The following SCN3A variants were observed in gnomAD, a reference collection of about 807,000 sequenced individuals.
SCN3A encodes sodium channel protein type 3 subunit alpha.
A neutral mutation model predicts 187.6 loss-of-function variants in SCN3A; 60 were observed. That is an observed-to-expected ratio of 0.32 (90% CI 0.26 to 0.40). The LOEUF is 0.40. Among genes scored for constraint, SCN3A ranks in the 10% least tolerant of loss-of-function variants. The probability of loss-of-function intolerance (pLI) is 1.00; values close to 1 mark genes in which losing one functional copy is unlikely to be tolerated. For synonymous variants in SCN3A, 788 were observed against 829.2 expected, an observed-to-expected ratio of 0.95 and a Z score of 0.85; for missense variants, 1,601 against 2,428.2, an observed-to-expected ratio of 0.66 and a Z score of 7.16.
intron 12 of SCN3A, among the ~76,000 whole-genome samples, chr2:165,145,330 T>C (rs1322840168): frequency 6.6e-6 from 1 of 152,028 alleles, no homozygotes; most frequent in Non-Finnish European, 1.5e-5. Context: ...AAAAATCTGA[T>C]CTGAGGAACC....
At chr2:165,161,096 CT>C (rs1689341195) in intron 9 of SCN3A, among the ~76,000 whole-genome samples, 1 of 118,776 alleles carries the variant, frequency 8.4e-6, no homozygotes, top group South Asian at 2.9e-4. Context: ...CTAAGTTTTT[CT>C]TTTTTTCTTC....
chr2:165,109,075 T>C (rs1203995646), intron 21 of SCN3A, among the ~76,000 whole-genome samples: 1 of 152,208 alleles, frequency 6.6e-6, no homozygotes, highest in Non-Finnish European at 1.5e-5. Context: ...TTGATAAAAT[T>C]GATCACCTCT....
chr2:165,191,006 C>T (rs1691569945), intron 1 of SCN3A, among the ~76,000 whole-genome samples: 1 of 151,604 alleles, frequency 6.6e-6, no homozygotes, highest in Non-Finnish European at 1.5e-5. Flanking sequence ...ATGTTGCCAG[C>T]CCAGGAACCA....
chr2:165,170,417 A>G lies in SCN3A; in HGVS notation c.383+13T>C, dbSNP rs756678543. ...TAGAAATAGCATTTAGGCAATTCACATTAAAAGGATATGAATGTACCAAAA... is the reference window on the plus strand; with the variant it reads ...TAGAAATAGCATTTAGGCAATTCACGTTAAAAGGATATGAATGTACCAAAA... On this transcript the variant is annotated intron_variant, in intron 4 of 27. Coordinates refer to ENST00000283254, the MANE Select transcript of SCN3A (RefSeq NM_006922.4). 5 of 1,397,150 alleles carry G rather than the reference A, an allele frequency of 3.6e-6. No homozygotes were observed. Among genetic ancestry groups the G allele is most frequent in the South Asian group, 1.2e-5 (1 of 86,494 alleles). The allele number at this position is 1,397,150 out of a possible 1,614,324, so 86.5% of individuals were successfully genotyped here.
chr2:165,171,951 G>GAC (rs150528962), intron 3 of SCN3A, among the ~76,000 whole-genome samples: 157 of 152,092 alleles, frequency 1.0e-3, no homozygotes, highest in African/African-American at 3.6e-3. Flanking sequence ...TTACCTTTAA[G>GAC]ACATCTATTC....
At chr2:165,137,094 A>G (rs1687711721) in intron 15 of SCN3A, among the ~76,000 whole-genome samples, 1 of 152,130 alleles carries the variant, frequency 6.6e-6, no homozygotes, top group South Asian at 2.1e-4. Flanking sequence ...CTCTTGCTGA[A>G]CATTTGCTGA....
chr2:165,092,699 T>A lies in SCN3A; in HGVS notation c.4537-175A>T, dbSNP rs1372041273. 6.4e-6 allele frequency: 4 copies of A among 628,792 alleles called. No individual in the cohort carries two copies. The highest frequency in any genetic ancestry group is 2.0e-5 in the South Asian group (1 of 48,966). The allele number at this position is 628,792 out of a possible 1,614,324, so 39.0% of individuals were successfully genotyped here. On this transcript the variant is annotated intron_variant, in intron 26 of 27. Coordinates refer to ENST00000283254, the MANE Select transcript of SCN3A (RefSeq NM_006922.4). This position sits in a 1 kb window ranked among gnomAD's most constrained non-coding sequence, Gnocchi z 4.2. The stretch of plus-strand genomic sequence containing the variant: ...CATGTTAAAAAAAATGGAAAAAAAA[T>A]TTATATAGCTAAACAAAGCATATTT...
intron 1 of SCN3A, among the ~76,000 whole-genome samples, chr2:165,188,856 C>G (rs1691414686): frequency 2.0e-5 from 3 of 148,454 alleles, no homozygotes; most frequent in Middle Eastern, 3.6e-3. Flanking sequence ...GTAAAAGATG[C>G]AGATTTCTGG....
chr2:165,181,663 A>G (rs763075078), intron 2 of SCN3A, among the ~76,000 whole-genome samples: 1 of 152,234 alleles, frequency 6.6e-6, no homozygotes, highest in South Asian at 2.1e-4. Flanking sequence ...CCCTTTGTTC[A>G]TTTTTGAGAA....
intron 1 of SCN3A, among the ~76,000 whole-genome samples, chr2:165,187,179 T>G (rs963095902): frequency 6.6e-6 from 1 of 152,190 alleles, no homozygotes; most frequent in Non-Finnish European, 1.5e-5. Flanking sequence ...GTGTTGTAGG[T>G]CATTTTCTAG....
rs774743965 is a variant in SCN3A, at chr2:165,163,844, A to G, written c.603-135T>C. The G allele has an allele frequency of 1.9e-6, 3 of 1,613,818 alleles. No homozygotes were observed. The African/African-American group carries it at 4.0e-5, about 22-fold the overall frequency. Reference sequence around the variant, plus strand: ...GTTTTCAGAGCTCTCAAGACTCTGAAAGTTCGAAGGGCTGAAACATTGCCT... The same window carrying G: ...GTTTTCAGAGCTCTCAAGACTCTGAGAGTTCGAAGGGCTGAAACATTGCCT... On this transcript the variant is annotated intron_variant, in intron 6 of 27. Transcript: ENST00000283254.
chr2:165,112,735 A>T, intron 21 of SCN3A, 150 bp downstream of exon 21: 1 of 693,476 alleles, frequency 1.4e-6, no homozygotes, highest in Non-Finnish European at 2.4e-6. Flanking sequence ...TTCCCATGAG[A>T]TATTCCTCAT....
At position 165,094,505 on chromosome 2, in the gene SCN3A, C is replaced by T. The variant is rs773874886; in HGVS notation, c.4432-27G>A. 40 of 1,465,606 alleles carry T rather than the reference C, an allele frequency of 2.7e-5. No individual in the cohort carries two copies. The South Asian group carries it at 4.1e-4, about 15-fold the overall frequency. The allele number at this position is 1,465,606 out of a possible 1,614,324, so 90.8% of individuals were successfully genotyped here. On this transcript the variant is annotated intron_variant, in intron 25 of 27. Transcript: ENST00000283254. ...TAAAGACATAGTATAAAACTGGTTA[C>T]AATTCTGTGTTCCAATAGTACTTTC... is the stretch of plus-strand genomic sequence containing the variant.
chr2:165,159,217 C>T (rs1689222003), intron 9 of SCN3A, among the ~76,000 whole-genome samples: 1 of 138,128 alleles, frequency 7.2e-6, no homozygotes, highest in Non-Finnish European at 1.5e-5. Flanking sequence ...CTTTTTACCT[C>T]CTTAATAACC....
chr2:165,099,874 T>G (rs1396252097), intron 22 of SCN3A, among the ~76,000 whole-genome samples: 1 of 152,188 alleles, frequency 6.6e-6, no homozygotes, highest in Non-Finnish European at 1.5e-5. Context: ...TGATATTAAT[T>G]CAAGAAGCAA....
At chr2:165,136,059 T>C (rs1274898661) in intron 15 of SCN3A, among the ~76,000 whole-genome samples, 2 of 152,176 alleles carry the variant, frequency 1.3e-5, no homozygotes, top group South Asian at 4.1e-4. Context: ...TCATTGTTTA[T>C]ATGTGTGTTG....
Position 165,092,510 on chromosome 2 carries a change from T to G in SCN3A, c.4551A>C (p.Gly1517=). ...GTCTGGTTACAAAATCAAAGACCAT[T>G]CCTTGGAATTTGTTCTAGAAAGTGA... ...PIPRPANKFQ[G]MVFDFVTRQV... The change falls in exon 27 of 28, where the codon GGA becomes GGC. Residue 1517 remains glycine (G), a synonymous_variant. Coordinates refer to ENST00000283254, the MANE Select transcript of SCN3A (RefSeq NM_006922.4). This position sits in a 1 kb window ranked among gnomAD's most constrained non-coding sequence, Gnocchi z 4.2. The G allele has an allele frequency of 6.2e-7, 1 of 1,612,990 alleles. No homozygotes were observed. The highest frequency in any genetic ancestry group is 2.2e-5 in the East Asian group (1 of 44,860).
At chr2:165,161,137 C>CT (rs61608647) in intron 9 of SCN3A, among the ~76,000 whole-genome samples, 4,286 of 92,936 alleles carry the variant, frequency 0.046, 88 homozygotes, top group Middle Eastern at 0.071. Context: ...TTCTTTCTTT[C>CT]TTTTTTTTTT....
chr2:165,178,749 A>G (rs1690637604), intron 2 of SCN3A, among the ~76,000 whole-genome samples: 1 of 152,116 alleles, frequency 6.6e-6, no homozygotes, highest in Non-Finnish European at 1.5e-5. Context: ...ATCAGGTTGT[A>G]TAGTACATGA....
Sources: gnomAD v4.1 joint callset for allele counts (sites outside exome capture counted in the v4.1 genomes callset) on GRCh38, gnomAD v4.1.1 for gene constraint, Gnocchi (gnomAD v3.1) non-coding constraint, MANE v1.5 for transcripts, NCBI Gene and HGNC (gene_info 2026-07-23, HGNC 2026-07-21) for gene names.